The following TRPV2 variants were observed in gnomAD, a reference collection of about 807,000 sequenced individuals.
TRPV2 encodes the protein transient receptor potential cation channel subfamily V member 2.
A neutral mutation model predicts 91.0 loss-of-function variants in TRPV2; 58 were observed. The ratio of observed to expected loss-of-function variants is 0.64; its 90% CI spans 0.52 to 0.79. The LOEUF is 0.79. Ranked by LOEUF, TRPV2 falls within the 30% of genes least tolerant of loss-of-function variation. The pLI is 0.00. For synonymous variants in TRPV2, 417 were observed against 414.8 expected (o/e 1.01, Z -0.06); for missense variants, 807 against 969.6 (o/e 0.83, Z 2.23).
chr17:16,434,328 C>A (rs932316300), intron 13 of TRPV2, among the ~76,000 whole-genome samples: 1 of 152,000 alleles, frequency 6.6e-6, no homozygotes. Context: ...AGTAGCCGGG[C>A]GTGGTGGCGG....
At position 16,420,205 on chromosome 17, in the gene TRPV2, C is replaced by T. The variant is rs146478714; in HGVS notation, c.291C>T (p.Tyr97=). 2.7e-5 allele frequency: 43 copies of T among 1,614,014 alleles called. No homozygotes were observed. Among genetic ancestry groups the T allele is most frequent in the Non-Finnish European group, 3.6e-5 (43 of 1,179,980 alleles). Residue 97 remains tyrosine, a synonymous_variant, in exon 3 of 15, where the codon TAC becomes TAT. Transcript: ENST00000338560. ...AGGATCTGGCTGGACTTCCAGAGTACCTGAGCAAGACCAGCAAGTACCTCA... is the reference window on the plus strand; with the variant it reads ...AGGATCTGGCTGGACTTCCAGAGTATCTGAGCAAGACCAGCAAGTACCTCA... ...VPEDLAGLPE[Y]LSKTSKYLTD...
chr17:16,431,004 G>A (rs998317712), intron 10 of TRPV2, among the ~76,000 whole-genome samples: 14 of 150,922 alleles, frequency 9.3e-5, no homozygotes, highest in African/African-American at 3.4e-4. Context: ...GGGTCATACA[G>A]TAGTTCTATA....
intron 12 of TRPV2, 184 bp from the exon 13 acceptor site, chr17:16,433,390 G>A (rs2093421886): frequency 2.7e-6 from 2 of 748,298 alleles, no homozygotes; most frequent in Admixed American, 5.9e-5. Flanking sequence ...GATGCAGAGA[G>A]GCTGAGGGCC....
rs1284751074 is a variant in TRPV2 at position 16,431,290 on chromosome 17, T to C, written c.1588-494T>C. On this transcript the variant is annotated intron_variant, in intron 10 of 14. Coordinates refer to ENST00000338560, the MANE Select transcript of TRPV2 (RefSeq NM_016113.5). ...ATATATATATATATATATATATACATATTTTTTTTTTTTTTTTTTTTGAGA... is the reference window on the plus strand; with the variant it reads ...ATATATATATATATATATATATACACATTTTTTTTTTTTTTTTTTTTGAGA... Among the ~76,000 whole-genome samples the C allele has an allele frequency of 6.1e-3, 125 of 20,574 alleles. 3 individuals carry two copies. Among genetic ancestry groups the C allele is most frequent in the Non-Finnish European group, 9.4e-3 (91 of 9,690 alleles). 13.5% of individuals were successfully genotyped at this position (20,574 alleles called of 152,430 possible).
chr17:16,419,753 T>C (rs2093347605), intron 2 of TRPV2, among the ~76,000 whole-genome samples: 1 of 152,128 alleles, frequency 6.6e-6, no homozygotes, highest in South Asian at 2.1e-4. Flanking sequence ...AGCCCCAAGC[T>C]CAAGAGCCAC....
At chr17:16,436,593 A>C (rs2093434777) in intron 14 of TRPV2, among the ~76,000 whole-genome samples, 196 bp from the exon 15 acceptor site, 1 of 152,126 alleles carries the variant, frequency 6.6e-6, no homozygotes, top group Non-Finnish European at 1.5e-5. Flanking sequence ...GGCAGGGGGA[A>C]GCCCCTGATA....
At chr17:16,428,426 T>C in intron 9 of TRPV2, 39 bp downstream of exon 9, 3 of 1,606,210 alleles carry the variant, frequency 1.9e-6, no homozygotes, top group African/African-American at 1.3e-5. Context: ...CAACTGTCTC[T>C]GAGGTCTGGA....
chr17:16,417,919 G>T (rs1034782979), intron 2 of TRPV2, 51 bp downstream of exon 2: 1 of 1,549,032 alleles, frequency 6.5e-7, no homozygotes. Flanking sequence ...CCCAGCTCCA[G>T]CAGAGCACCC....
At position 16,426,702 on chromosome 17, in the gene TRPV2, C is replaced by A; in HGVS notation, c.1096-20C>A. The A allele has an allele frequency of 6.2e-7, 1 of 1,606,982 alleles. No homozygotes were observed. The highest frequency in any genetic ancestry group is 8.5e-7 in the Non-Finnish European group (1 of 1,176,712). On this transcript the variant is annotated intron_variant, in intron 6 of 14. Transcript: ENST00000338560. This position sits in a 1 kb window ranked among gnomAD's most constrained non-coding sequence, Gnocchi z 6.0. ...TTGCACTTGTTGAGTGTACCCATGG[C>A]TCTCCCCTCCCCACCCCAGCACCGA...
chr17:16,427,419 G>A (rs774693063), intron 7 of TRPV2, 30 bp from the exon 8 acceptor site: 1 of 1,607,016 alleles, frequency 6.2e-7, no homozygotes, highest in Non-Finnish European at 8.5e-7. Context: ...AGGACCCAAG[G>A]CCCTAGGTCT....
chr17:16,421,635 C>T (rs1015563182), intron 3 of TRPV2, among the ~76,000 whole-genome samples: 1 of 151,704 alleles, frequency 6.6e-6, no homozygotes, highest in African/African-American at 2.4e-5. Context: ...AATTCTCCTG[C>T]CTCAGCCTCC....
intron 1 of TRPV2, chr17:16,416,381 G>A (rs1325598227): frequency 6.5e-6 from 1 of 153,260 alleles, no homozygotes; most frequent in African/African-American, 2.4e-5. Flanking sequence ...ACCACTCTTT[G>A]ACTCCTTCTT....
chr17:16,427,990 G>A (rs2093391881), intron 8 of TRPV2, among the ~76,000 whole-genome samples: 1 of 152,148 alleles, frequency 6.6e-6, no homozygotes, highest in South Asian at 2.1e-4. Context: ...TCCGCAGAGT[G>A]GGCAGAACTT....
At chr17:16,422,101 G>T (rs187403204) in intron 3 of TRPV2, among the ~76,000 whole-genome samples, 2 of 151,622 alleles carry the variant, frequency 1.3e-5, no homozygotes, top group Non-Finnish European at 2.9e-5. Flanking sequence ...TCAGGAGATC[G>T]AGACCATCCT....
Position 16,422,892 on chromosome 17 carries a change from G to T in TRPV2, c.625+3G>T. 6.4e-7 allele frequency: 1 copy of T among 1,557,562 alleles called. No homozygotes were observed. On this transcript the variant is annotated splice_donor_region_variant and intron_variant, in intron 4 of 14. Transcript: ENST00000338560. ...CCAAGGGACTTGCTTTTATTTCGGTGAGTGAGCCTTTCTTGGATAAATCGA... is the reference window on the plus strand; with the variant it reads ...CCAAGGGACTTGCTTTTATTTCGGTTAGTGAGCCTTTCTTGGATAAATCGA...
chr17:16,429,881 T>G (rs990814049), intron 10 of TRPV2, among the ~76,000 whole-genome samples: 1 of 151,616 alleles, frequency 6.6e-6, no homozygotes, highest in Non-Finnish European at 1.5e-5. Context: ...TTTTTTTCTT[T>G]GAGATGGAGT....
At position 16,431,773 on chromosome 17, in the gene TRPV2, ATG is replaced by A. The variant is rs777463467; in HGVS notation, c.1588-7_1588-6del. Reference sequence around the variant, plus strand: ...GCTACCCACCCTGGCCCCTGGGCACATGTGTTCCAGGTCATCCTGCGGGACCT... The same window carrying A: ...GCTACCCACCCTGGCCCCTGGGCACATGTTCCAGGTCATCCTGCGGGACCT... On this transcript the variant is annotated splice_polypyrimidine_tract_variant and intron_variant, in intron 10 of 14. Transcript: ENST00000338560. 2.0e-5 allele frequency: 33 copies of A among 1,613,930 alleles called. No individual in the cohort carries two copies. In the African/African-American group the frequency reaches 4.1e-4, roughly 20 times the overall value.
intron 10 of TRPV2, among the ~76,000 whole-genome samples, chr17:16,431,282 TATATACA>T (rs1453684272): frequency 1.1e-4 from 6 of 55,748 alleles, no homozygotes; most frequent in African/African-American, 3.2e-4. Flanking sequence ...TATATATATA[TATATACA>T]TATTTTTTTT....
intron 3 of TRPV2, among the ~76,000 whole-genome samples, chr17:16,420,593 C>A (rs1305183079): frequency 6.6e-6 from 1 of 152,176 alleles, no homozygotes. Context: ...ATATACTTAA[C>A]CCATCTCAAA....
Sources: allele counts gnomAD v4.1 joint callset (sites outside exome capture counted in the v4.1 genomes callset), GRCh38; gene constraint gnomAD v4.1.1; non-coding constraint Gnocchi (gnomAD v3.1); transcripts MANE v1.5; gene names NCBI Gene and HGNC (gene_info 2026-07-23, HGNC 2026-07-21).